Variants in SMARCC1 observed in about 807,000 individuals in gnomAD.
SMARCC1 encodes the protein SWI/SNF complex subunit SMARCC1.
Under a neutral mutation model 147.4 loss-of-function variants are expected in SMARCC1, and 43 were observed. That is an observed-to-expected ratio of 0.29 (90% CI 0.23 to 0.38). The LOEUF is 0.38. Among genes scored for constraint, SMARCC1 ranks in the 10% least tolerant of loss-of-function variants. The pLI, the probability that SMARCC1 is intolerant of heterozygous loss-of-function variation, is 1.00. For missense variants in SMARCC1, 1,119 were observed against 1,381.1 expected (o/e 0.81, Z 3.01); for synonymous variants, 495 against 484.4 (o/e 1.02, Z -0.29).
At position 47,748,519 on chromosome 3, in the gene SMARCC1, C is replaced by T. The variant is rs201040333; in HGVS notation, c.316-2526G>A. On this transcript the variant is annotated intron_variant, in intron 2 of 27. Transcript: ENST00000254480. ...GATTACAGGCATGAGCCACCGCACC[C>T]GGCCTATTATAATATTTAATGACCA... 6.0e-4 allele frequency among the ~76,000 whole-genome samples: 47 copies of T among 78,280 alleles called. 1 individual carries two copies. The East Asian group carries it at 0.013, about 22-fold the overall frequency. The allele number at this position is 78,280 out of a possible 152,430, so 51.4% of individuals were successfully genotyped here. A position where few individuals can be genotyped will look rare whatever the true frequency, so the allele number is the denominator to read the frequency against.
intron 7 of SMARCC1, among the ~76,000 whole-genome samples, chr3:47,719,921 G>A (rs1221970556): frequency 1.3e-5 from 2 of 151,920 alleles, no homozygotes; most frequent in African/African-American, 4.8e-5. Context: ...AGTTTTAGTA[G>A]AGATGGAGTT....
At chr3:47,755,033 ACT>A (rs2034674025) in intron 2 of SMARCC1, among the ~76,000 whole-genome samples, 1 of 151,686 alleles carries the variant, frequency 6.6e-6, no homozygotes, top group Admixed American at 6.6e-5. Context: ...ACAGAGCAAG[ACT>A]CTGTCTCAAA....
chr3:47,748,966 A>G (rs944719898), intron 2 of SMARCC1, among the ~76,000 whole-genome samples: 1 of 151,950 alleles, frequency 6.6e-6, no homozygotes, highest in Non-Finnish European at 1.5e-5. Context: ...GCCCAAGAGT[A>G]GAAGACCAAC....
intron 25 of SMARCC1, among the ~76,000 whole-genome samples, chr3:47,621,831 A>T (rs145745723): frequency 6.6e-6 from 1 of 151,966 alleles, no homozygotes; most frequent in Non-Finnish European, 1.5e-5. Context: ...AAAAAAAAAA[A>T]AAAGAAAGAA....
In SMARCC1 at chr3:47,730,960, G is replaced by A. The variant is rs549630530; in HGVS notation, c.577-1866C>T. On this transcript the variant is annotated intron_variant, in intron 5 of 27. Coordinates refer to ENST00000254480, the MANE Select transcript of SMARCC1 (RefSeq NM_003074.4). Reference sequence around the variant, plus strand: ...CACTGCCTCAATGATGCTGGCAGCTGACTGATCAAGGTGGTGGTTGCTGAA... The same window carrying A: ...CACTGCCTCAATGATGCTGGCAGCTAACTGATCAAGGTGGTGGTTGCTGAA... Among the ~76,000 whole-genome samples the A allele has an allele frequency of 2.6e-5, 4 of 152,176 alleles. No homozygotes were observed. In the East Asian group the frequency reaches 7.7e-4, roughly 29 times the overall value.
intron 26 of SMARCC1, among the ~76,000 whole-genome samples, chr3:47,599,182 T>C (rs990476397): frequency 2.0e-5 from 3 of 151,920 alleles, no homozygotes; most frequent in East Asian, 1.9e-4. Context: ...AGGTCAGGAG[T>C]TTGAGACCAG....
intron 2 of SMARCC1, among the ~76,000 whole-genome samples, chr3:47,751,135 T>A (rs1162268874): frequency 6.6e-6 from 1 of 151,768 alleles, no homozygotes; most frequent in Non-Finnish European, 1.5e-5. Flanking sequence ...TGACCTTAGG[T>A]GATCCGCCCG....
At chr3:47,670,410 G>A (rs1449120706) in intron 19 of SMARCC1, 3 of 482,942 alleles carry the variant, frequency 6.2e-6, no homozygotes, top group Non-Finnish European at 1.1e-5. Flanking sequence ...CATGGTGAAA[G>A]CCCATTGCTA....
At chr3:47,656,467 T>C (rs949364999) in intron 21 of SMARCC1, among the ~76,000 whole-genome samples, 1 of 152,230 alleles carries the variant, frequency 6.6e-6, no homozygotes, top group Non-Finnish European at 1.5e-5. Context: ...AATTGCTTTT[T>C]AAAGCCCTAT....
At chr3:47,670,879 G>A (rs1401074145) in intron 18 of SMARCC1, among the ~76,000 whole-genome samples, 162 bp from the exon 19 acceptor site, 7 of 152,006 alleles carry the variant, frequency 4.6e-5, no homozygotes, top group African/African-American at 1.7e-4. Context: ...ACTTCTATAA[G>A]AAATGCTGGC....
intron 17 of SMARCC1, 41 bp from the exon 18 acceptor site, chr3:47,675,629 A>T: frequency 9.2e-7 from 1 of 1,085,092 alleles, no homozygotes; most frequent in Non-Finnish European, 1.4e-6. Context: ...TAGCCTCTTT[A>T]AAGTCAAGAG....
chr3:47,727,074 G>A (rs1423570244), intron 6 of SMARCC1, among the ~76,000 whole-genome samples: 1 of 151,964 alleles, frequency 6.6e-6, no homozygotes, highest in Admixed American at 6.6e-5. Flanking sequence ...TTAGCTGGGT[G>A]TGGTGGTGCA....
chr3:47,752,954 A>C lies in SMARCC1; in HGVS notation c.316-6961T>G, dbSNP rs1185084387. Among the ~76,000 whole-genome samples the C allele has an allele frequency of 2.0e-5, 3 of 152,248 alleles. No homozygotes were observed. In the East Asian group the frequency reaches 5.8e-4, roughly 29 times the overall value. On this transcript the variant is annotated intron_variant, in intron 2 of 27. Transcript: ENST00000254480. Reference sequence around the variant, plus strand: ...AACAATTCTATCCCTGGCTGACTCTATTGGAAATTTAATCTGATCTTATCC... The same window carrying C: ...AACAATTCTATCCCTGGCTGACTCTCTTGGAAATTTAATCTGATCTTATCC...
At chr3:47,753,060 T>C (rs2034645418) in intron 2 of SMARCC1, among the ~76,000 whole-genome samples, 2 of 152,118 alleles carry the variant, frequency 1.3e-5, no homozygotes, top group Admixed American at 1.3e-4. Context: ...TTAGAATAAA[T>C]CTAGGCCGGG....
At chr3:47,661,857 C>G (rs545108420) in intron 20 of SMARCC1, among the ~76,000 whole-genome samples, 2 of 152,208 alleles carry the variant, frequency 1.3e-5, no homozygotes, top group South Asian at 4.2e-4. Flanking sequence ...TAATGTGTAA[C>G]CCATGAATAT....
At chr3:47,652,177 T>C (rs2033198396) in intron 21 of SMARCC1, among the ~76,000 whole-genome samples, 1 of 152,134 alleles carries the variant, frequency 6.6e-6, no homozygotes. Context: ...GGTCTTGCTA[T>C]GTTGACCAGG....
At chr3:47,646,950 T>C (rs1475155681) in intron 21 of SMARCC1, among the ~76,000 whole-genome samples, 1 of 152,172 alleles carries the variant, frequency 6.6e-6, no homozygotes, top group Admixed American at 6.5e-5. Context: ...TGTGAAGACT[T>C]CCCTAATGGA....
In SMARCC1 at chr3:47,590,690, CG is replaced by C. The variant is rs1559620304; in HGVS notation, c.3190del (p.Arg1064GlyfsTer4). 1.3e-6 allele frequency: 2 copies of C among 1,559,804 alleles called. No individual in the cohort carries two copies. The highest frequency in any genetic ancestry group is 8.6e-7 in the Non-Finnish European group (1 of 1,159,086). On this transcript the variant is annotated frameshift_variant, in exon 27 of 28. Coordinates refer to ENST00000254480, the MANE Select transcript of SMARCC1 (RefSeq NM_003074.4). LOFTEE classifies it high-confidence loss of function. ...PPMPGNILGPRVPLTAPNGMY... is the reference protein window; with the variant it reads ...PPMPGNILGPXVPLTAPNGMY... ...GCCGTTAGGTGCTGTCAGGGGTACC[CG>C]GGGTCCTAAGATGTTTCCTGGCATT...
intron 11 of SMARCC1, among the ~76,000 whole-genome samples, chr3:47,696,086 G>C (rs948807910): frequency 2.7e-5 from 4 of 145,788 alleles, no homozygotes; most frequent in East Asian, 2.1e-4. Flanking sequence ...AAGGGGGGGG[G>C]GGGGCCAGGC....
Sources: gnomAD v4.1 joint callset for allele counts (sites outside exome capture counted in the v4.1 genomes callset) on GRCh38, gnomAD v4.1.1 for gene constraint, MANE v1.5 for transcripts, NCBI Gene and HGNC (gene_info 2026-07-23, HGNC 2026-07-21) for gene names.